Variants in ZNF266 observed in about 807,000 individuals in gnomAD.
The protein encoded by ZNF266 is zinc finger protein 266.
ZNF266 carries 16 observed loss-of-function variants against 16.4 expected under a neutral mutation model. The ratio of observed to expected loss-of-function variants is 0.98; its 90% CI spans 0.66 to 1.48. The LOEUF is 1.48. Ranked by LOEUF, ZNF266 falls within the 40% of genes most tolerant of loss-of-function variation. The pLI is 0.00. For synonymous variants in ZNF266, 262 were observed against 237.9 expected, an observed-to-expected ratio of 1.10 and a Z score of -0.93; for missense variants, 738 against 689.1, an observed-to-expected ratio of 1.07 and a Z score of -0.79.
At chr19:9,429,444 C>T (rs2071260622) in intron 5 of ZNF266, among the ~76,000 whole-genome samples, 1 of 151,970 alleles carries the variant, frequency 6.6e-6, no homozygotes. Flanking sequence ...TTACTAGATG[C>T]TTTGTTGGTT....
chr19:9,433,926 C>A, intron 4 of ZNF266, 140 bp from the exon 5 acceptor site: 1 of 152,080 alleles, frequency 6.6e-6, no homozygotes, highest in Admixed American at 6.5e-5. Context: ...TTCAGTGAGC[C>A]GAGATCCTGC....
In ZNF266 at chr19:9,413,504, T is replaced by C; in HGVS notation, c.1622A>G (p.Lys541Arg). Residue 541 changes from lysine to arginine, a missense_variant, in exon 11 of 11, where the codon AAG (lysine) becomes AGG (arginine). Lys to Arg is a conservative substitution (Grantham distance 26, BLOSUM62 2). Transcript: ENST00000592904. ...GTGAAGGTTAACACACGTGGGAAAC[T>C]TAAAAGCTTTGCCACATTCCATACA... ...FTCMECGKAFKFPTCVNLHMR... is the reference protein window; with the variant it reads ...FTCMECGKAFRFPTCVNLHMR... 6.2e-7 allele frequency: 1 copy of C among 1,613,268 alleles called. No individual in the cohort carries two copies. Among genetic ancestry groups the C allele is most frequent in the East Asian group, 2.2e-5 (1 of 44,870 alleles).
At chr19:9,422,779 G>A (rs1488240646) in intron 5 of ZNF266, among the ~76,000 whole-genome samples, 2 of 102,188 alleles carry the variant, frequency 2.0e-5, no homozygotes, top group Non-Finnish European at 4.4e-5. Context: ...CTTCCGAGTG[G>A]CAGAACTTCA....
intron 9 of ZNF266, 105 bp from the exon 10 acceptor site, chr19:9,415,847 G>A (rs1346187653): frequency 9.3e-5 from 84 of 907,140 alleles, no homozygotes; most frequent in South Asian, 1.7e-4. Context: ...TTCTTGAGAC[G>A]GTGTCTCACT....
intron 5 of ZNF266, among the ~76,000 whole-genome samples, chr19:9,427,081 T>C (rs1476274394): frequency 6.6e-6 from 1 of 152,172 alleles, no homozygotes; most frequent in African/African-American, 2.4e-5. Flanking sequence ...AAAACTTCTA[T>C]AAAACCTAAT....
At chr19:9,429,213 C>G (rs1307432816) in intron 5 of ZNF266, among the ~76,000 whole-genome samples, 1 of 152,092 alleles carries the variant, frequency 6.6e-6, no homozygotes, top group Non-Finnish European at 1.5e-5. Flanking sequence ...CTATCATGCT[C>G]TAGGGCTTAA....
chr19:9,426,490 C>CA (rs151086461), intron 5 of ZNF266, among the ~76,000 whole-genome samples: 79,716 of 144,916 alleles, frequency 0.55, 21,550 homozygotes, highest in Middle Eastern at 0.62. Flanking sequence ...AAGTCTAAGA[C>CA]CAAAAAAAAA....
rs1189130456 is a variant in ZNF266, at chr19:9,413,371, T to C, written c.1755A>G (p.Lys585=). 2.5e-6 allele frequency: 4 copies of C among 1,613,974 alleles called. No homozygotes were observed. In the Middle Eastern group the frequency reaches 4.9e-4, roughly 199 times the overall value. The part of the protein sequence containing the change: ...QLHERTHTGE[K]PYECKECGKA... ...TCCCGCACTCCTTACATTCATAGGG[T>C]TTCTCTCCAGTGTGAGTTCGTTCAT... Residue 585 remains lysine (K), a synonymous_variant, in exon 11 of 11, where the codon AAA becomes AAG. Transcript: ENST00000592904.
intron 7 of ZNF266, 133 bp from the exon 8 acceptor site, chr19:9,418,764 A>G (rs1234807013): frequency 3.5e-6 from 2 of 574,580 alleles, no homozygotes; most frequent in Admixed American, 6.0e-5. Context: ...ACACTCACTC[A>G]CTGTCAGTCC....
In ZNF266 at chr19:9,413,412, T is replaced by C. The variant is rs779507387; in HGVS notation, c.1714A>G (p.Asn572Asp). 27 of 1,611,304 alleles carry C rather than the reference T, an allele frequency of 1.7e-5. No homozygotes were observed. The African/African-American group carries it at 3.2e-4, about 19-fold the overall frequency. Residue 572 changes from asparagine (N) to aspartate (D), a missense_variant, in exon 11 of 11, where the codon AAT becomes GAT. Physicochemically the swap from Asn to Asp is conservative, Grantham distance 23. Coordinates refer to ENST00000592904, the MANE Select transcript of ZNF266 (RefSeq NM_001370374.1). The part of the protein sequence containing the change: ...KQCGKSFSYS[N>D]SFQLHERTHT... ...GTTCGTTCATGTAACTGAAACGAATTGGAGTAACTGAAGGATTTCCCACAC... is the reference window on the plus strand; with the variant it reads ...GTTCGTTCATGTAACTGAAACGAATCGGAGTAACTGAAGGATTTCCCACAC...
Position 9,413,800 on chromosome 19 carries a change from A to G in ZNF266, c.1326T>C (p.Ser442=). The change falls in exon 11 of 11, where the codon AGT becomes AGC. Residue 442 remains serine, a synonymous_variant. Transcript: ENST00000592904. ...SDLTKHARTH[S]GERPYECKEC... The stretch of plus-strand genomic sequence containing the variant: ...CCTTACATTCATAGGGCCTCTCTCC[A>G]CTGTGAGTTCGTGCATGCTTAGTAA... 1 of 1,614,106 alleles carries G rather than the reference A, an allele frequency of 6.2e-7. No homozygotes were observed. The highest frequency in any genetic ancestry group is 8.5e-7 in the Non-Finnish European group (1 of 1,180,006).
intron 5 of ZNF266, among the ~76,000 whole-genome samples, chr19:9,431,961 T>C (rs2071672745): frequency 6.6e-6 from 1 of 152,088 alleles, no homozygotes; most frequent in African/African-American, 2.4e-5. Context: ...GGGTTTTGTT[T>C]TGTTTTGTTT....
chr19:9,415,793 T>C (rs2068887775), intron 9 of ZNF266, 51 bp from the exon 10 acceptor site: 1 of 1,481,610 alleles, frequency 6.7e-7, no homozygotes, highest in Non-Finnish European at 9.4e-7. Context: ...GGTAGACAGA[T>C]GGAGCTGAAA....
At chr19:9,419,867 C>T (rs1019871224) in intron 6 of ZNF266, 198 bp downstream of exon 6, 1 of 150,100 alleles carries the variant, frequency 6.7e-6, no homozygotes, top group Non-Finnish European at 1.5e-5. Flanking sequence ...TGCCACTGCA[C>T]TCCAGCCTGA....
At chr19:9,429,590 ACT>A (rs1271362453) in intron 5 of ZNF266, among the ~76,000 whole-genome samples, 1 of 151,730 alleles carries the variant, frequency 6.6e-6, no homozygotes, top group Non-Finnish European at 1.5e-5. Flanking sequence ...CTGACCCAAG[ACT>A]CTGATGGTGG....
chr19:9,415,756 G>T lies in ZNF266; in HGVS notation c.317-14C>A. The T allele has an allele frequency of 6.2e-7, 1 of 1,606,952 alleles. No individual in the cohort carries two copies. Among genetic ancestry groups the T allele is most frequent in the African/African-American group, 1.3e-5 (1 of 74,862 alleles). ...TCCATTCTGAAGCTGAAGAGAAAAA[G>T]AAATGTAAGGGTTTGGAGACATACA... On this transcript the variant is annotated splice_polypyrimidine_tract_variant and intron_variant, in intron 9 of 10. Transcript: ENST00000592904.
chr19:9,432,610 C>T (rs2071782876), intron 5 of ZNF266, among the ~76,000 whole-genome samples: 1 of 152,204 alleles, frequency 6.6e-6, no homozygotes, highest in African/African-American at 2.4e-5. Context: ...TAAGCTCCTA[C>T]AGCATATTTC....
intron 5 of ZNF266, among the ~76,000 whole-genome samples, chr19:9,430,455 T>A (rs943258802): frequency 6.6e-5 from 10 of 152,154 alleles, no homozygotes; most frequent in Non-Finnish European, 1.3e-4. Context: ...TATCTTGACC[T>A]CCAGCCTTGC....
At chr19:9,433,954 G>C (rs547324074) in intron 4 of ZNF266, 121 bp downstream of exon 4, 3 of 152,224 alleles carry the variant, frequency 2.0e-5, no homozygotes, top group Non-Finnish European at 4.4e-5. Context: ...CTGGAGCCTG[G>C]CAACAGCGAA....
Sources: allele counts gnomAD v4.1 joint callset (sites outside exome capture counted in the v4.1 genomes callset), GRCh38; gene constraint gnomAD v4.1.1; transcripts MANE v1.5; gene names NCBI Gene and HGNC (gene_info 2026-07-23, HGNC 2026-07-21).